Variants in GREB1 observed in about 807,000 individuals in gnomAD.
GREB1 encodes protein GREB1.
GREB1 carries 106 observed loss-of-function variants against 200.7 expected under a neutral mutation model. The observed-to-expected ratio is 0.53, with a 90% CI of 0.45 to 0.62. GREB1 has a LOEUF of 0.62. Among genes scored for constraint, GREB1 ranks in the 20% least tolerant of loss-of-function variants. The probability of loss-of-function intolerance (pLI) is 0.00; values close to 1 mark genes in which losing one functional copy is unlikely to be tolerated. For synonymous variants in GREB1, 1,132 were observed against 1,092.4 expected (o/e 1.04, Z -0.72); for missense variants, 2,243 against 2,556.8 (o/e 0.88, Z 2.65).
At position 11,484,086 on chromosome 2, in the gene GREB1, G is replaced by T. The variant is rs544131552; in HGVS notation, c.-159+1705G>T. 8.5e-5 allele frequency among the ~76,000 whole-genome samples: 13 copies of T among 152,292 alleles called. 1 individual carries two copies. The South Asian group carries it at 2.7e-3, about 32-fold the overall frequency. On this transcript the variant is annotated intron_variant, in intron 1 of 2. Transcript: ENST00000628795. The stretch of plus-strand genomic sequence containing the variant: ...CATCTTCTATAAATATTGTGGTCAT[G>T]CCGCCTGGTTTGTAGCACTTTGTTA...
chr2:11,484,109 T>C (rs1283581263), intron 1 of GREB1, among the ~76,000 whole-genome samples: 1 of 152,174 alleles, frequency 6.6e-6, no homozygotes, highest in African/African-American at 2.4e-5. Context: ...TAGCACTTTG[T>C]TATTGGGAGT....
rs1684711428 is a variant in GREB1 at position 11,629,438 on chromosome 2, G to T, written c.4450-510G>T. 6.6e-6 allele frequency among the ~76,000 whole-genome samples: 1 copy of T among 152,168 alleles called. No homozygotes were observed. Among genetic ancestry groups the T allele is most frequent in the Non-Finnish European group, 1.5e-5 (1 of 68,032 alleles). On this transcript the variant is annotated intron_variant, in intron 25 of 32. Transcript: ENST00000381486. The surrounding 1 kb of genome is among the most constrained non-coding windows in gnomAD (Gnocchi z 5.2). Reference sequence around the variant, plus strand: ...TCAGTTTTCACACCTGTAAAATGGGGATGATGACAGTACTGCTTTGTAGGA... The same window carrying T: ...TCAGTTTTCACACCTGTAAAATGGGTATGATGACAGTACTGCTTTGTAGGA...
chr2:11,592,058 C>T, intron 10 of GREB1: 1 of 975,304 alleles, frequency 1.0e-6, no homozygotes, highest in Non-Finnish European at 1.2e-6. Flanking sequence ...TACACATTTA[C>T]CACTGTATAT....
chr2:11,574,412 C>T (rs1201804299), intron 4 of GREB1, among the ~76,000 whole-genome samples: 2 of 152,214 alleles, frequency 1.3e-5, no homozygotes, highest in East Asian at 1.9e-4. Flanking sequence ...TGGGAATAGG[C>T]GTCGGAGCAG....
chr2:11,616,114 C>T (rs1478714072), intron 20 of GREB1, among the ~76,000 whole-genome samples: 2 of 152,258 alleles, frequency 1.3e-5, no homozygotes, highest in Non-Finnish European at 2.9e-5. Flanking sequence ...GGACCCCCTT[C>T]TTTAGTTTCA....
intron 2 of GREB1, among the ~76,000 whole-genome samples, chr2:11,557,785 T>C (rs1369354058): frequency 6.6e-6 from 1 of 152,204 alleles, no homozygotes; most frequent in Admixed American, 6.5e-5. Context: ...TGAGAGAAAC[T>C]AGACTGTGGT....
At chr2:11,624,271 A>G (rs568913463) in intron 23 of GREB1, among the ~76,000 whole-genome samples, 160 of 151,742 alleles carry the variant, frequency 1.1e-3, no homozygotes, top group African/African-American at 3.3e-3. Context: ...GGTGCCCGGT[A>G]CAGTGCACTG....
chr2:11,516,311 GGTGTGTGTGT>G (rs60141733), intron 1 of GREB1, among the ~76,000 whole-genome samples: 24 of 143,958 alleles, frequency 1.7e-4, no homozygotes, highest in South Asian at 1.6e-3. Context: ...TTTTCCTGCA[GGTGTGTGTGT>G]GTGTGTGTGT....
At chr2:11,566,247 C>G (rs1677637055) in intron 3 of GREB1, among the ~76,000 whole-genome samples, 5 of 152,110 alleles carry the variant, frequency 3.3e-5, no homozygotes, top group Admixed American at 3.3e-4. Context: ...GAACTCCTGA[C>G]CTCAAGTGAT....
Position 11,600,367 on chromosome 2 carries a change from G to A in GREB1, c.2334-433G>A, listed in dbSNP as rs147010133. 2.3e-3 allele frequency among the ~76,000 whole-genome samples: 348 copies of A among 152,170 alleles called. 3 individuals carry two copies. The highest frequency in any genetic ancestry group is 8.1e-3 in the African/African-American group (336 of 41,508). On this transcript the variant is annotated intron_variant, in intron 15 of 32. Coordinates refer to ENST00000381486, the MANE Select transcript of GREB1 (RefSeq NM_014668.4). ...CCAAAATGCTTCCCAATCCTTTCCT[G>A]CTGCCTTTTAAACTGACTATAGAAT...
intron 1 of GREB1, among the ~76,000 whole-genome samples, chr2:11,542,233 C>A (rs571072576): frequency 6.6e-6 from 1 of 152,254 alleles, no homozygotes. Context: ...GAGGAAAGTT[C>A]TTTGCTTCTC....
intron 1 of GREB1, among the ~76,000 whole-genome samples, chr2:11,553,929 TA>T (rs1676183216): frequency 6.8e-6 from 1 of 146,870 alleles, no homozygotes. Context: ...GAGTCCACCT[TA>T]AAGCTTCTTC....
At position 11,588,972 on chromosome 2, in the gene GREB1, C is replaced by A. The variant is rs367727516; in HGVS notation, c.1345+41C>A. 1.1e-4 allele frequency: 166 copies of A among 1,538,216 alleles called. No individual in the cohort carries two copies. The African/African-American group carries it at 1.9e-3, about 18-fold the overall frequency. ...CTCCTGGCCCAGTGGCAGGGAGTGG[C>A]CACAGCCCGAGCACAGACCTGGCCT... On this transcript the variant is annotated intron_variant, in intron 10 of 32. Coordinates refer to ENST00000381486, the MANE Select transcript of GREB1 (RefSeq NM_014668.4).
rs115303742 is a variant in GREB1 at position 11,625,069 on chromosome 2, G to A, written c.4148-85G>A. On this transcript the variant is annotated intron_variant, in intron 23 of 32. Coordinates refer to ENST00000381486, the MANE Select transcript of GREB1 (RefSeq NM_014668.4). ...CGCCTGATGTCGCATTTCTCAGAAC[G>A]TATTCTGTGTTGTTTAGCGACACAT... 3,530 of 1,073,138 alleles carry A rather than the reference G, an allele frequency of 3.3e-3. 62 individuals are homozygous for A. In the African/African-American group the frequency reaches 0.045, roughly 14 times the overall value. The allele number at this position is 1,073,138 out of a possible 1,614,324, so 66.5% of individuals were successfully genotyped here.
intron 10 of GREB1, among the ~76,000 whole-genome samples, chr2:11,590,036 C>T (rs966043912): frequency 2.0e-5 from 3 of 152,046 alleles, no homozygotes; most frequent in Admixed American, 6.5e-5. Context: ...AGACCAGCTG[C>T]GGGTGGCTAC....
chr2:11,599,384 G>A (rs1056018718), intron 15 of GREB1, among the ~76,000 whole-genome samples: 8 of 150,316 alleles, frequency 5.3e-5, no homozygotes. Context: ...CTGTCGCCCA[G>A]GCTGGAGTGC....
chr2:11,485,525 C>T (rs941583194), intron 1 of GREB1, among the ~76,000 whole-genome samples: 1 of 152,144 alleles, frequency 6.6e-6, no homozygotes, highest in Non-Finnish European at 1.5e-5. Context: ...CCACCCACCT[C>T]AGCCTCCCAA....
At chr2:11,543,839 C>T (rs12994384) in intron 1 of GREB1, among the ~76,000 whole-genome samples, 88,267 of 151,800 alleles carry the variant, frequency 0.58, 26,476 homozygotes, top group South Asian at 0.77. Context: ...GTGTTGAACC[C>T]CTGATGTGTG....
intron 1 of GREB1, among the ~76,000 whole-genome samples, chr2:11,552,073 C>G (rs772560848): frequency 1.1e-4 from 16 of 152,360 alleles, no homozygotes; most frequent in Non-Finnish European, 1.5e-4. Flanking sequence ...GTTGAGAACA[C>G]CAAGGCCCAG....
Sources: allele counts gnomAD v4.1 joint callset (sites outside exome capture counted in the v4.1 genomes callset), GRCh38; gene constraint gnomAD v4.1.1; non-coding constraint Gnocchi (gnomAD v3.1); transcripts MANE v1.5; gene names NCBI Gene and HGNC (gene_info 2026-07-23, HGNC 2026-07-21).